Variants in GNPAT observed in about 807,000 individuals in gnomAD.
The protein encoded by GNPAT is glyceronephosphate O-acyltransferase.
A neutral mutation model predicts 78.4 loss-of-function variants in GNPAT; 30 were observed. The observed-to-expected ratio is 0.38, with a 90% confidence interval of 0.29 to 0.52. The LOEUF (loss-of-function observed/expected upper bound fraction) is 0.52. Ranked by LOEUF, GNPAT falls within the 20% of genes least tolerant of loss-of-function variation. The pLI is 0.84. For missense variants in GNPAT, 714 were observed against 812.2 expected (o/e 0.88, Z 1.47); for synonymous variants, 271 against 281.1 (o/e 0.96, Z 0.36).
intron 5 of GNPAT, 73 bp from the exon 6 acceptor site, chr1:231,265,639 G>C (rs1685360061): frequency 1.0e-6 from 1 of 989,296 alleles, no homozygotes; most frequent in South Asian, 1.3e-5. Flanking sequence ...CTTGGGAAAA[G>C]GAATCAAAAG....
intron 1 of GNPAT, among the ~76,000 whole-genome samples, chr1:231,243,997 C>T (rs1684686032): frequency 6.6e-6 from 1 of 152,068 alleles, no homozygotes; most frequent in African/African-American, 2.4e-5. Flanking sequence ...CAACCTCCAC[C>T]TCCAGGGTTC....
At chr1:231,272,811 A>C (rs922242333) in intron 11 of GNPAT, among the ~76,000 whole-genome samples, 1 of 152,180 alleles carries the variant, frequency 6.6e-6, no homozygotes, top group African/African-American at 2.4e-5. Context: ...TGTACTAAAA[A>C]TACAAAAATT....
At chr1:231,247,700 G>T (rs1359650527) in intron 1 of GNPAT, among the ~76,000 whole-genome samples, 1 of 152,186 alleles carries the variant, frequency 6.6e-6, no homozygotes, top group Non-Finnish European at 1.5e-5. Flanking sequence ...ACATACCACA[G>T]TGTCAAGCAC....
chr1:231,254,872 G>A (rs562294074), intron 2 of GNPAT, among the ~76,000 whole-genome samples: 1 of 151,298 alleles, frequency 6.6e-6, no homozygotes, highest in South Asian at 2.1e-4. Context: ...CTGCCTCAGC[G>A]TCCCAAGTAG....
intron 3 of GNPAT, 59 bp from the exon 4 acceptor site, chr1:231,262,664 A>G (rs1173588370): frequency 4.6e-6 from 6 of 1,310,648 alleles, no homozygotes; most frequent in Non-Finnish European, 5.5e-6. Flanking sequence ...TTCTGATTTG[A>G]GATGTGATTT....
Position 231,266,256 on chromosome 1 carries a change from C to T in GNPAT, c.925-21C>T, listed in dbSNP as rs187380885. Reference sequence around the variant, plus strand: ...ATTTACTGCTTTTCGTTTTCTTCCCCCCCTGTTATGGTACTATTAGGGGTT... The same window carrying T: ...ATTTACTGCTTTTCGTTTTCTTCCCTCCCTGTTATGGTACTATTAGGGGTT... On this transcript the variant is annotated intron_variant, in intron 7 of 15. Coordinates refer to ENST00000366647, the MANE Select transcript of GNPAT (RefSeq NM_014236.4). The T allele has an allele frequency of 2.3e-3, 3,740 of 1,613,890 alleles. 33 individuals are homozygous for T. Among genetic ancestry groups the T allele is most frequent in the South Asian group, 0.017 (1,532 of 91,068 alleles).
chr1:231,257,877 C>A (rs373091450), intron 2 of GNPAT, among the ~76,000 whole-genome samples: 2 of 152,158 alleles, frequency 1.3e-5, no homozygotes, highest in African/African-American at 4.8e-5. Flanking sequence ...GCCTTCCATC[C>A]CTAAGCTGTG....
rs376338711 is a variant in GNPAT, at chr1:231,277,585, C to G, written c.*43C>G. On this transcript the variant is annotated 3_prime_UTR_variant, in exon 16 of 16. Transcript: ENST00000366647. ...TGGAAAATTCGGTCACGTAATTACT[C>G]TCATCGAAGGACTCATTACAACAAA... 1.1e-5 allele frequency: 12 copies of G among 1,137,066 alleles called. No individual in the cohort carries two copies. The highest frequency in any genetic ancestry group is 1.5e-5 in the Non-Finnish European group (11 of 744,362). 70.4% of individuals were successfully genotyped at this position (1,137,066 alleles called of 1,614,324 possible). A position where few individuals can be genotyped will look rare whatever the true frequency, so the allele number is the denominator to read the frequency against.
chr1:231,247,613 C>T (rs1363391201), intron 1 of GNPAT, among the ~76,000 whole-genome samples: 1 of 152,196 alleles, frequency 6.6e-6, no homozygotes, highest in South Asian at 2.1e-4. Context: ...ATGCCCCTCT[C>T]AATAACTGGT....
rs372223780 is a variant in GNPAT, at chr1:231,275,421, T to C, written c.1860T>C (p.Tyr620=). The part of the protein sequence containing the change: ...QLLDQGTSQC[Y]DVLSSDVQKN... ...CAATTTTAGGTACCTCTCAATGTTA[T>C]GATGTATTATCTTCTGATGTGCAGA... Residue 620 remains tyrosine (Y), a synonymous_variant, in exon 14 of 16, where the codon TAT becomes TAC. Transcript: ENST00000366647. 5.6e-6 allele frequency: 9 copies of C among 1,609,448 alleles called. 1 individual carries two copies. The highest frequency in any genetic ancestry group is 4.5e-5 in the East Asian group (2 of 44,870).
At position 231,265,296 on chromosome 1, in the gene GNPAT, T is replaced by A; in HGVS notation, c.572T>A (p.Phe191Tyr). The A allele has an allele frequency of 6.2e-7, 1 of 1,610,878 alleles. No homozygotes were observed. The highest frequency in any genetic ancestry group is 8.5e-7 in the Non-Finnish European group (1 of 1,176,996). The change falls in exon 5 of 16, where the codon TTC (phenylalanine) becomes TAC (tyrosine). Residue 191 changes from phenylalanine (F) to tyrosine (Y), a missense_variant. Physicochemically the swap from Phe to Tyr is conservative, Grantham distance 22. Coordinates refer to ENST00000366647, the MANE Select transcript of GNPAT (RefSeq NM_014236.4). ...PVPVIAAGMDFLGMKMVGELL... is the reference protein window; with the variant it reads ...PVPVIAAGMDYLGMKMVGELL... ...AATATTATCCCCTCTTTTTTAGACT[T>A]CCTGGGAATGAAAATGGTTGGTGAG...
intron 14 of GNPAT, 68 bp downstream of exon 14, chr1:231,275,566 TC>T: frequency 1.1e-6 from 1 of 895,644 alleles, no homozygotes; most frequent in Admixed American, 1.7e-5. Context: ...GAGCTCAAAA[TC>T]CAGAGAGACA....
rs889545132 is a variant in GNPAT at position 231,241,600 on chromosome 1, G to C, written c.78+144G>C. ...GAGGAGGGGTTAGTTGGTTGGATTGGTTTCCAGGACAACAGTGTATCGCTG... is the reference window on the plus strand; with the variant it reads ...GAGGAGGGGTTAGTTGGTTGGATTGCTTTCCAGGACAACAGTGTATCGCTG... On this transcript the variant is annotated intron_variant, in intron 1 of 15. Coordinates refer to ENST00000366647, the MANE Select transcript of GNPAT (RefSeq NM_014236.4). 9.7e-6 allele frequency: 7 copies of C among 719,864 alleles called. No individual in the cohort carries two copies. The African/African-American group carries it at 1.0e-4, about 11-fold the overall frequency. The allele number at this position is 719,864 out of a possible 1,614,324, so 44.6% of individuals were successfully genotyped here.
At chr1:231,264,129 G>C (rs1384445662) in intron 4 of GNPAT, among the ~76,000 whole-genome samples, 1 of 152,082 alleles carries the variant, frequency 6.6e-6, no homozygotes, top group Non-Finnish European at 1.5e-5. Context: ...TGGTTCCCTG[G>C]TTCCCTGTGC....
Position 231,273,951 on chromosome 1 carries a change from T to C in GNPAT, c.1632T>C (p.Cys544=). 6.2e-7 allele frequency: 1 copy of C among 1,613,332 alleles called. No homozygotes were observed. Among genetic ancestry groups the C allele is most frequent in the African/African-American group, 1.3e-5 (1 of 75,054 alleles). Residue 544 remains cysteine (C), a synonymous_variant, in exon 12 of 16, where the codon TGT becomes TGC. Transcript: ENST00000366647. ...TTGAAGAAGGCTGTTACCTGCTTTG[T>C]AAAAGTGAAGCCATACAAGTGACTA... ...KDFEEGCYLL[C]KSEAIQVTTK...
Position 231,241,358 on chromosome 1 carries a change from G to T in GNPAT, c.-21G>T. On this transcript the variant is annotated 5_prime_UTR_variant, in exon 1 of 16. Transcript: ENST00000366647. ...GGCTTAGCAAAGAATCCCAGACCCC[G>T]CCCGGGAAGGCAGCCGCACCATGGA... 2 of 1,603,356 alleles carry T rather than the reference G, an allele frequency of 1.2e-6. No individual in the cohort carries two copies. The highest frequency in any genetic ancestry group is 1.7e-6 in the Non-Finnish European group (2 of 1,170,220).
intron 1 of GNPAT, among the ~76,000 whole-genome samples, chr1:231,246,254 C>T (rs145419479): frequency 9.8e-5 from 15 of 152,336 alleles, no homozygotes; most frequent in African/African-American, 3.6e-4. Context: ...TGCTATAACT[C>T]AGAGCTCTCC....
At chr1:231,247,822 G>T (rs1684789725) in intron 1 of GNPAT, among the ~76,000 whole-genome samples, 1 of 152,174 alleles carries the variant, frequency 6.6e-6, no homozygotes, top group South Asian at 2.1e-4. Flanking sequence ...GGCATAGCTG[G>T]ACTATTGGAT....
intron 11 of GNPAT, 112 bp downstream of exon 11, chr1:231,272,503 A>C (rs983911358): frequency 2.9e-6 from 2 of 701,570 alleles, no homozygotes; most frequent in East Asian, 2.8e-5. Flanking sequence ...CTTCAAGGCA[A>C]AGTGGGGCAG....
Sources: gnomAD v4.1 joint callset for allele counts (sites outside exome capture counted in the v4.1 genomes callset) on GRCh38, gnomAD v4.1.1 for gene constraint, MANE v1.5 for transcripts, NCBI Gene and HGNC (gene_info 2026-07-23, HGNC 2026-07-21) for gene names.